Variants in LRRC8B observed in about 807,000 individuals in gnomAD.
LRRC8B encodes the protein volume-regulated anion channel subunit LRRC8B.
LRRC8B carries 23 observed loss-of-function variants against 58.8 expected under a neutral mutation model. That is an observed-to-expected ratio of 0.39 (90% CI 0.28 to 0.55). LRRC8B has a LOEUF of 0.55. LRRC8B is among the 20% of genes least tolerant of loss of function. The pLI is 0.62. For synonymous variants in LRRC8B, 359 were observed against 374.1 expected, an observed-to-expected ratio of 0.96 and a Z score of 0.47; for missense variants, 694 against 936.0, an observed-to-expected ratio of 0.74 and a Z score of 3.37.
chr1:89,548,814 G>A (rs938060214), intron 1 of LRRC8B, among the ~76,000 whole-genome samples: 1 of 152,140 alleles, frequency 6.6e-6, no homozygotes, highest in African/African-American at 2.4e-5. Context: ...CTTTGCTGCA[G>A]TTTTTCCCAT....
chr1:89,571,437 G>A (rs917351006), intron 3 of LRRC8B, among the ~76,000 whole-genome samples: 2 of 151,918 alleles, frequency 1.3e-5, no homozygotes, highest in African/African-American at 4.8e-5. Context: ...GTATTCCTAG[G>A]TATTTTATTC....
chr1:89,534,532 C>A (rs948417973), intron 1 of LRRC8B, among the ~76,000 whole-genome samples: 1 of 152,004 alleles, frequency 6.6e-6, no homozygotes, highest in Non-Finnish European at 1.5e-5. Flanking sequence ...CACACACACA[C>A]ACACACACTC....
intron 1 of LRRC8B, among the ~76,000 whole-genome samples, chr1:89,546,056 T>C (rs1651382607): frequency 6.6e-6 from 1 of 152,230 alleles, no homozygotes; most frequent in South Asian, 2.1e-4. Flanking sequence ...TTAGAAAATT[T>C]CCATAGTAAG....
intron 4 of LRRC8B, among the ~76,000 whole-genome samples, 174 bp downstream of exon 4, chr1:89,579,862 G>A (rs1176562366): frequency 2.0e-5 from 3 of 152,114 alleles, no homozygotes; most frequent in Non-Finnish European, 4.4e-5. Flanking sequence ...CCTTTGAGAG[G>A]ACAAATGAAA....
At chr1:89,576,079 C>A (rs1653825232) in intron 3 of LRRC8B, among the ~76,000 whole-genome samples, 1 of 152,198 alleles carries the variant, frequency 6.6e-6, no homozygotes, top group African/African-American at 2.4e-5. Flanking sequence ...AAATGCTAGA[C>A]CTTTAAAACA....
intron 1 of LRRC8B, among the ~76,000 whole-genome samples, chr1:89,534,514 T>TACAC (rs71312000): frequency 0.044 from 6,525 of 149,164 alleles, 213 homozygotes; most frequent in Non-Finnish European, 0.057. Context: ...TTTTGTGACA[T>TACAC]ACACACACAC....
chr1:89,564,457 TAGTC>T (rs1213191764), intron 1 of LRRC8B, among the ~76,000 whole-genome samples: 3 of 152,254 alleles, frequency 2.0e-5, no homozygotes, highest in Admixed American at 6.5e-5. Flanking sequence ...AGATGGCTCT[TAGTC>T]AGCTCTGTTG....
chr1:89,567,097 G>T (rs181053633), intron 1 of LRRC8B, among the ~76,000 whole-genome samples: 1 of 152,138 alleles, frequency 6.6e-6, no homozygotes. Flanking sequence ...GACGCAGGCC[G>T]CCTGCCTCAG....
rs113922874 is a variant in LRRC8B at position 89,576,957 on chromosome 1, C to T, written c.-124-2634C>T. On this transcript the variant is annotated intron_variant, in intron 3 of 5. Transcript: ENST00000330947. ...AAAAGGGGCATATTAATCAGAGATACTGATGCATTGTTTCCTAGAGAGAGA... is the reference window on the plus strand; with the variant it reads ...AAAAGGGGCATATTAATCAGAGATATTGATGCATTGTTTCCTAGAGAGAGA... 9.8e-3 allele frequency among the ~76,000 whole-genome samples: 1,494 copies of T among 151,882 alleles called. 23 individuals are homozygous for T. Among genetic ancestry groups the T allele is most frequent in the African/African-American group, 0.034 (1,418 of 41,470 alleles).
At chr1:89,543,329 TCTA>T in intron 1 of LRRC8B, among the ~76,000 whole-genome samples, 1 of 152,348 alleles carries the variant, frequency 6.6e-6, no homozygotes, top group African/African-American at 2.4e-5. Flanking sequence ...GTAACATAAG[TCTA>T]AGGTATAAAT....
chr1:89,562,041 G>GTGGA (rs1270128106), intron 1 of LRRC8B, among the ~76,000 whole-genome samples: 3 of 152,014 alleles, frequency 2.0e-5, no homozygotes, highest in Admixed American at 6.6e-5. Context: ...TCAGGGATAT[G>GTGGA]TGGATGGATG....
At position 89,595,730 on chromosome 1, in the gene LRRC8B, G is replaced by A. The variant is rs1377992396; in HGVS notation, c.*2687G>A. 6.6e-6 allele frequency: 1 copy of A among 151,992 alleles called. No individual in the cohort carries two copies. The highest frequency in any genetic ancestry group is 1.5e-5 in the Non-Finnish European group (1 of 67,956). The allele number at this position is 151,992 out of a possible 1,614,324, so 9.4% of individuals were successfully genotyped here. On this transcript the variant is annotated 3_prime_UTR_variant, in exon 6 of 6. Coordinates refer to ENST00000330947, the MANE Select transcript of LRRC8B (RefSeq NM_001369817.2). ...GTAGCCCTGATGCAAGGAAAAATGA[G>A]GCTACTACTTCACATAAAAAATAGG...
chr1:89,573,941 T>C (rs951845892), intron 3 of LRRC8B, among the ~76,000 whole-genome samples: 1 of 152,250 alleles, frequency 6.6e-6, no homozygotes, highest in Non-Finnish European at 1.5e-5. Context: ...GGTAGGTTTT[T>C]TGATCAATAG....
chr1:89,569,243 G>A (rs1266320365), intron 3 of LRRC8B, among the ~76,000 whole-genome samples: 2 of 152,012 alleles, frequency 1.3e-5, no homozygotes, highest in Admixed American at 6.5e-5. Context: ...AAGATCCTTT[G>A]ACTTCTTAGG....
chr1:89,582,707 C>T lies in LRRC8B; in HGVS notation c.57C>T (p.Ile19=). The stretch of plus-strand genomic sequence containing the variant: ...CAGATGCCCAGTCATCTTATCACAT[C>T]TTAAAACCATGGTGGGACGTCTTCT... ...CLADAQSSYH[I]LKPWWDVFWY... Residue 19 remains isoleucine, a synonymous_variant, in exon 5 of 6, where the codon ATC becomes ATT. Transcript: ENST00000330947. 1.2e-6 allele frequency: 2 copies of T among 1,614,220 alleles called. No individual in the cohort carries two copies. The highest frequency in any genetic ancestry group is 1.7e-6 in the Non-Finnish European group (2 of 1,180,036).
intron 1 of LRRC8B, among the ~76,000 whole-genome samples, chr1:89,540,000 T>G (rs975159266): frequency 1.3e-5 from 2 of 152,194 alleles, no homozygotes; most frequent in Non-Finnish European, 2.9e-5. Flanking sequence ...CCAGGAGAAA[T>G]TTTCCATAAA....
intron 1 of LRRC8B, among the ~76,000 whole-genome samples, chr1:89,552,366 A>G (rs1269397965): frequency 6.6e-6 from 1 of 151,544 alleles, no homozygotes; most frequent in East Asian, 1.9e-4. Context: ...CCAGAAATTC[A>G]TGATCCTACT....
chr1:89,566,715 T>C (rs1324152148), intron 1 of LRRC8B, among the ~76,000 whole-genome samples: 1 of 152,172 alleles, frequency 6.6e-6, no homozygotes, highest in African/African-American at 2.4e-5. Context: ...ATCCACCATC[T>C]CTCCTGACAA....
chr1:89,562,377 T>C (rs1652737236), intron 1 of LRRC8B, among the ~76,000 whole-genome samples: 1 of 152,296 alleles, frequency 6.6e-6, no homozygotes, highest in African/African-American at 2.4e-5. Flanking sequence ...GGAGCTTCAA[T>C]TGTTATTTTA....
Sources: allele counts gnomAD v4.1 joint callset (sites outside exome capture counted in the v4.1 genomes callset), GRCh38; gene constraint gnomAD v4.1.1; transcripts MANE v1.5; gene names NCBI Gene and HGNC (gene_info 2026-07-23, HGNC 2026-07-21).